UGT1A9: variants seen among roughly 807,000 people sequenced by gnomAD.
UGT1A9 encodes the protein UDP-glucuronosyltransferase 1A9.
Under a neutral mutation model 45.0 loss-of-function variants are expected in UGT1A9, and 35 were observed. The ratio of observed to expected loss-of-function variants is 0.78; its 90% CI spans 0.59 to 1.03. The LOEUF is 1.03. Ranked by LOEUF, UGT1A9 falls within the 50% of genes least tolerant of loss-of-function variation. The pLI is 0.00. For synonymous variants in UGT1A9, 278 were observed against 250.6 expected (o/e 1.11, Z -1.03); for missense variants, 687 against 666.6 (o/e 1.03, Z -0.34).
intron 1 of UGT1A9, among the ~76,000 whole-genome samples, chr2:233,732,921 ATTGATTCTTCC>A (rs2078336368): frequency 6.6e-6 from 1 of 151,962 alleles, no homozygotes; most frequent in African/African-American, 2.4e-5. Flanking sequence ...TTTTCACGAT[ATTGATTCTTCC>A]TATCCATGAG....
chr2:233,714,950 C>T (rs2076424956), intron 1 of UGT1A9, among the ~76,000 whole-genome samples: 1 of 152,298 alleles, frequency 6.6e-6, no homozygotes, highest in South Asian at 2.1e-4. Context: ...GATCTTGGCT[C>T]ATTGCAACCT....
chr2:233,769,890 A>C lies in UGT1A9; in HGVS notation c.1295+1451A>C. On this transcript the variant is annotated intron_variant, in intron 4 of 4. Transcript: ENST00000354728. This position sits in a 1 kb window ranked among gnomAD's most constrained non-coding sequence, Gnocchi z 4.4. Reference sequence around the variant, plus strand: ...AAAAAAAAAATGAAAAGTCCACATAACCTGAGCATCATGTGCCCAGAGCGT... The same window carrying C: ...AAAAAAAAAATGAAAAGTCCACATACCCTGAGCATCATGTGCCCAGAGCGT... 1 of 371,658 alleles carries C rather than the reference A, an allele frequency of 2.7e-6. No homozygotes were observed. 23.0% of individuals were successfully genotyped at this position (371,658 alleles called of 1,614,324 possible).
At chr2:233,679,918 C>T (rs2074466073) in intron 1 of UGT1A9, among the ~76,000 whole-genome samples, 1 of 152,120 alleles carries the variant, frequency 6.6e-6, no homozygotes, top group Non-Finnish European at 1.5e-5. Context: ...CAATATGAGA[C>T]AAAAATGTAT....
At chr2:233,673,933 T>C (rs1242605076) in intron 1 of UGT1A9, among the ~76,000 whole-genome samples, 4 of 152,200 alleles carry the variant, frequency 2.6e-5, no homozygotes, top group African/African-American at 7.2e-5. Context: ...CAAAGCACTA[T>C]TGAGTAATAT....
chr2:233,681,530 CAAA>C (rs747693860), intron 1 of UGT1A9, among the ~76,000 whole-genome samples: 871 of 77,674 alleles, frequency 0.011, 5 homozygotes, highest in African/African-American at 0.039. Context: ...GACTCCATCT[CAAA>C]AAAAAAAAAA....
chr2:233,719,832 C>G, intron 1 of UGT1A9: 1 of 1,545,496 alleles, frequency 6.5e-7, no homozygotes, highest in South Asian at 1.2e-5. Flanking sequence ...GTTGAGGGGC[C>G]TAGTGTATTT....
Position 233,671,898 on chromosome 2 carries a change from A to G in UGT1A9, c.-37A>G. 6.4e-7 allele frequency: 1 copy of G among 1,571,370 alleles called. No individual in the cohort carries two copies. Among genetic ancestry groups the G allele is most frequent in the Middle Eastern group, 1.7e-4 (1 of 5,786 alleles). ...CCCACCTACTGTATCATAGGAGCTT[A>G]GATTCCCAGCTGCTTGCTCTCAGCT... On this transcript the variant is annotated 5_prime_UTR_variant, in exon 1 of 5. Transcript: ENST00000354728.
intron 1 of UGT1A9, among the ~76,000 whole-genome samples, chr2:233,680,412 A>G (rs781618999): frequency 1.1e-4 from 16 of 152,200 alleles, no homozygotes; most frequent in Non-Finnish European, 2.1e-4. Context: ...CAACAAAATT[A>G]TTATAGTAGT....
chr2:233,682,920 T>A, intron 1 of UGT1A9: 2 of 1,475,888 alleles, frequency 1.4e-6, no homozygotes, highest in South Asian at 2.8e-5. Context: ...AAGGAATTCT[T>A]TTGTACCAAT....
intron 1 of UGT1A9, chr2:233,756,296 T>C (rs1295271846): frequency 6.6e-6 from 1 of 152,242 alleles, no homozygotes; most frequent in Non-Finnish European, 1.5e-5. Flanking sequence ...ACAGTATTTG[T>C]ATATAACCTA....
chr2:233,725,129 T>C (rs1238705631), intron 1 of UGT1A9, among the ~76,000 whole-genome samples: 2 of 136,286 alleles, frequency 1.5e-5, no homozygotes, highest in Non-Finnish European at 3.1e-5. Flanking sequence ...TGAGCCGAGA[T>C]GGCAGCAGTA....
intron 1 of UGT1A9, among the ~76,000 whole-genome samples, chr2:233,737,453 A>G (rs1465600831): frequency 6.6e-6 from 1 of 152,182 alleles, no homozygotes; most frequent in Non-Finnish European, 1.5e-5. Context: ...TTTTCCAGGT[A>G]CAGTCTGTCA....
intron 1 of UGT1A9, among the ~76,000 whole-genome samples, chr2:233,696,893 A>C (rs1347117727): frequency 6.6e-6 from 1 of 152,190 alleles, no homozygotes; most frequent in African/African-American, 2.4e-5. Context: ...GTTCTGTCCT[A>C]AATTCTGTCA....
chr2:233,732,686 C>A (rs1472057155), intron 1 of UGT1A9, among the ~76,000 whole-genome samples: 1 of 151,722 alleles, frequency 6.6e-6, no homozygotes, highest in African/African-American at 2.4e-5. Flanking sequence ...GGTACCAGCA[C>A]CCATGCTGTT....
chr2:233,755,611 T>C (rs1176906643), intron 1 of UGT1A9: 1 of 158,924 alleles, frequency 6.3e-6, no homozygotes, highest in African/African-American at 2.4e-5. Flanking sequence ...AGAACTGTTT[T>C]TCTTAAAGTA....
At chr2:233,731,367 T>C (rs1429864647) in intron 1 of UGT1A9, among the ~76,000 whole-genome samples, 3 of 152,084 alleles carry the variant, frequency 2.0e-5, no homozygotes, top group East Asian at 1.9e-4. Flanking sequence ...ACATGTGCCA[T>C]GTTGGTTTCC....
chr2:233,701,045 G>A (rs1263864656), intron 1 of UGT1A9, among the ~76,000 whole-genome samples: 1 of 152,130 alleles, frequency 6.6e-6, no homozygotes, highest in Non-Finnish European at 1.5e-5. Context: ...CAAAGGACAT[G>A]AACTCATAAT....
chr2:233,738,537 C>G (rs761358623), intron 1 of UGT1A9, among the ~76,000 whole-genome samples: 3 of 152,168 alleles, frequency 2.0e-5, no homozygotes, highest in Non-Finnish European at 2.9e-5. Context: ...GAAGTCCAGG[C>G]TGAGTCTCAG....
At chr2:233,705,353 T>C (rs1442093657) in intron 1 of UGT1A9, among the ~76,000 whole-genome samples, 1 of 152,192 alleles carries the variant, frequency 6.6e-6, no homozygotes, top group African/African-American at 2.4e-5. Flanking sequence ...TCTTATTACA[T>C]GGGGTTTTGC....
Sources: allele counts gnomAD v4.1 joint callset (sites outside exome capture counted in the v4.1 genomes callset), GRCh38; gene constraint gnomAD v4.1.1; non-coding constraint Gnocchi (gnomAD v3.1); transcripts MANE v1.5; gene names NCBI Gene and HGNC (gene_info 2026-07-23, HGNC 2026-07-21).